CYP7B1: variants seen among roughly 807,000 people sequenced by gnomAD.
CYP7B1 encodes cytochrome P450 family 7 subfamily B member 1.
In CYP7B1, 29 loss-of-function variants were observed where a neutral mutation model predicts 42.7. The observed-to-expected ratio is 0.68, with a 90% CI of 0.51 to 0.93. CYP7B1 has a LOEUF of 0.93. Ranked by LOEUF, CYP7B1 falls within the 40% of genes least tolerant of loss-of-function variation. The probability of loss-of-function intolerance (pLI) is 0.00; values close to 1 mark genes in which losing one functional copy is unlikely to be tolerated. For missense variants in CYP7B1, 655 were observed against 600.5 expected, an observed-to-expected ratio of 1.09 and a Z score of -0.95; for synonymous variants, 235 against 218.2, an observed-to-expected ratio of 1.08 and a Z score of -0.68.
chr8:64,622,131 A>AATAATAATGCATAAAATGCATTATTTGC (rs1563366569), intron 2 of CYP7B1, among the ~76,000 whole-genome samples: 2 of 151,598 alleles, frequency 1.3e-5, no homozygotes, highest in South Asian at 2.1e-4. Flanking sequence ...ACATTATTTG[A>AATAATAATGCATAAAATGCATTATTTGC]ATAATAATGC....
At chr8:64,703,251 G>A (rs145421857) in intron 1 of CYP7B1, among the ~76,000 whole-genome samples, 20 of 151,852 alleles carry the variant, frequency 1.3e-4, no homozygotes, top group African/African-American at 4.8e-4. Context: ...CAAAATAAAA[G>A]ACAGCTCCTA....
intron 1 of CYP7B1, among the ~76,000 whole-genome samples, chr8:64,785,787 T>C (rs1180455103): frequency 6.6e-6 from 1 of 152,138 alleles, no homozygotes; most frequent in Non-Finnish European, 1.5e-5. Context: ...ACTGTATTAG[T>C]TCATTTTCAT....
intron 1 of CYP7B1, among the ~76,000 whole-genome samples, chr8:64,762,955 G>C (rs182418479): frequency 6.6e-6 from 1 of 152,182 alleles, no homozygotes; most frequent in Admixed American, 6.5e-5. Context: ...TGTTATTTAT[G>C]GGCAACCCCC....
chr8:64,791,358 A>G (rs1804614596), intron 1 of CYP7B1, among the ~76,000 whole-genome samples: 1 of 152,226 alleles, frequency 6.6e-6, no homozygotes, highest in African/African-American at 2.4e-5. Flanking sequence ...GGTGCTATAC[A>G]TGTCAAAAGG....
chr8:64,700,163 A>G (rs1806892712), intron 1 of CYP7B1, among the ~76,000 whole-genome samples: 1 of 152,158 alleles, frequency 6.6e-6, no homozygotes, highest in South Asian at 2.1e-4. Context: ...AGAGTCACAC[A>G]CACTTAAAAG....
Position 64,591,889 on chromosome 8 carries a change from T to C in CYP7B1, c.*4753A>G, listed in dbSNP as rs190322817. Among the ~76,000 whole-genome samples the C allele has an allele frequency of 1.3e-5, 2 of 152,234 alleles. No homozygotes were observed. Among genetic ancestry groups the C allele is most frequent in the African/African-American group, 4.8e-5 (2 of 41,534 alleles). On this transcript the variant is annotated 3_prime_UTR_variant, in exon 6 of 6. Coordinates refer to ENST00000310193, the MANE Select transcript of CYP7B1 (RefSeq NM_004820.5). The stretch of plus-strand genomic sequence containing the variant: ...TTAATTCAAAACTTAGGTGAAGCTA[T>C]AAAAATGAAAAGATGGGGGCGGGCA...
intron 5 of CYP7B1, among the ~76,000 whole-genome samples, chr8:64,601,266 C>T (rs931856641): frequency 1.3e-5 from 2 of 152,194 alleles, no homozygotes; most frequent in Non-Finnish European, 1.5e-5. Flanking sequence ...CTTCCATCTT[C>T]AGAGCTTTTG....
intron 1 of CYP7B1, among the ~76,000 whole-genome samples, chr8:64,696,045 T>C (rs1274024311): frequency 1.3e-5 from 2 of 152,214 alleles, no homozygotes; most frequent in African/African-American, 4.8e-5. Flanking sequence ...TCTGAGTTTG[T>C]AATGCTAAAT....
chr8:64,738,150 G>T (rs924127271), intron 1 of CYP7B1, among the ~76,000 whole-genome samples: 1 of 152,150 alleles, frequency 6.6e-6, no homozygotes, highest in Non-Finnish European at 1.5e-5. Flanking sequence ...ACTGAGAAAA[G>T]AATTTACTTC....
chr8:64,669,759 C>T (rs1464980399), intron 1 of CYP7B1, among the ~76,000 whole-genome samples: 2 of 151,760 alleles, frequency 1.3e-5, no homozygotes, highest in East Asian at 3.9e-4. Flanking sequence ...ACACACACCC[C>T]TCCCCAGCAA....
intron 1 of CYP7B1, among the ~76,000 whole-genome samples, chr8:64,787,520 G>A (rs4134341): frequency 0.11 from 16,096 of 152,180 alleles, 1,138 homozygotes; most frequent in Non-Finnish European, 0.16. Flanking sequence ...CAGCATTTTG[G>A]TCAAAGACAT....
At chr8:64,661,464 T>C (rs1585839208) in intron 1 of CYP7B1, among the ~76,000 whole-genome samples, 1 of 152,344 alleles carries the variant, frequency 6.6e-6, no homozygotes, top group East Asian at 1.9e-4. Flanking sequence ...CTCCTTTTTG[T>C]TGAGAATCAG....
chr8:64,648,400 T>C (rs1379952972), intron 1 of CYP7B1, among the ~76,000 whole-genome samples: 1 of 152,236 alleles, frequency 6.6e-6, no homozygotes, highest in Non-Finnish European at 1.5e-5. Flanking sequence ...CGCTATTTAA[T>C]GATGGTACCT....
intron 1 of CYP7B1, chr8:64,732,991 G>A (rs1807436280): frequency 6.6e-6 from 1 of 152,106 alleles, no homozygotes; most frequent in African/African-American, 2.4e-5. Context: ...GAGAAACCAG[G>A]CCTACCTGGT....
chr8:64,718,850 C>T (rs542953811), intron 1 of CYP7B1, among the ~76,000 whole-genome samples: 11 of 152,248 alleles, frequency 7.2e-5, no homozygotes, highest in South Asian at 4.2e-4. Context: ...AGTAGATTCC[C>T]GGAAGTCCCA....
intron 1 of CYP7B1, among the ~76,000 whole-genome samples, chr8:64,763,132 G>A (rs1306244714): frequency 3.3e-5 from 5 of 152,128 alleles, no homozygotes; most frequent in Admixed American, 6.5e-5. Context: ...CCACCCCTCC[G>A]GATCCAGCAG....
intron 1 of CYP7B1, among the ~76,000 whole-genome samples, chr8:64,789,873 T>A (rs189969105): frequency 6.6e-6 from 1 of 152,040 alleles, no homozygotes; most frequent in Non-Finnish European, 1.5e-5. Context: ...CTGCAATGCA[T>A]AAGAAAAGTT....
intron 1 of CYP7B1, among the ~76,000 whole-genome samples, chr8:64,736,483 C>T (rs1025986165): frequency 6.6e-6 from 1 of 152,132 alleles, no homozygotes; most frequent in African/African-American, 2.4e-5. Context: ...CAGACTTTTG[C>T]TCTGTTGCCC....
chr8:64,641,297 T>A (rs762717505), intron 1 of CYP7B1, among the ~76,000 whole-genome samples: 1 of 152,184 alleles, frequency 6.6e-6, no homozygotes, highest in Non-Finnish European at 1.5e-5. Flanking sequence ...TTGACTTACA[T>A]CAAATCCTAG....
Sources: gnomAD v4.1 joint callset for allele counts (sites outside exome capture counted in the v4.1 genomes callset) on GRCh38, gnomAD v4.1.1 for gene constraint, MANE v1.5 for transcripts, NCBI Gene and HGNC (gene_info 2026-07-23, HGNC 2026-07-21) for gene names.